The following KCNIP4 variants were observed in gnomAD, a reference collection of about 807,000 sequenced individuals.
KCNIP4 encodes the protein Kv channel-interacting protein 4.
In KCNIP4, 12 loss-of-function variants were observed where a neutral mutation model predicts 34.0. The observed-to-expected ratio is 0.35, with a 90% CI of 0.23 to 0.57. KCNIP4 has a LOEUF of 0.57. KCNIP4 is among the 20% of genes least tolerant of loss of function. The pLI is 0.83. For missense variants in KCNIP4, 238 were observed against 311.7 expected (o/e 0.76, Z 1.78); for synonymous variants, 124 against 102.2 (o/e 1.21, Z -1.29).
chr4:20,735,390 G>A (rs1016389830), intron 5 of KCNIP4, among the ~76,000 whole-genome samples: 2 of 152,132 alleles, frequency 1.3e-5, no homozygotes, highest in African/African-American at 4.8e-5. Flanking sequence ...AAAAGAGGCT[G>A]CTTATAACAG....
At chr4:21,017,126 T>C (rs1481161189) in intron 1 of KCNIP4, among the ~76,000 whole-genome samples, 1 of 152,204 alleles carries the variant, frequency 6.6e-6, no homozygotes, top group Non-Finnish European at 1.5e-5. Context: ...ATGGACTAGC[T>C]GTTCAAATGT....
At chr4:21,764,266 A>G (rs1369640649) in intron 1 of KCNIP4, among the ~76,000 whole-genome samples, 1 of 152,062 alleles carries the variant, frequency 6.6e-6, no homozygotes, top group African/African-American at 2.4e-5. Context: ...AGCCAGGGAG[A>G]CAAACTTTGA....
At chr4:21,286,375 T>C (rs747929262) in intron 1 of KCNIP4, among the ~76,000 whole-genome samples, 26 of 152,158 alleles carry the variant, frequency 1.7e-4, no homozygotes, top group Non-Finnish European at 1.8e-4. Context: ...TGTTATATAG[T>C]AGACAGCACC....
chr4:21,752,456 A>C (rs1193217507), intron 1 of KCNIP4, among the ~76,000 whole-genome samples: 3 of 152,062 alleles, frequency 2.0e-5, no homozygotes, highest in Admixed American at 2.0e-4. Flanking sequence ...GGAGAACAGC[A>C]TGGGGCACAC....
chr4:21,151,406 A>ATTTTTT, intron 1 of KCNIP4, among the ~76,000 whole-genome samples: 1 of 51,276 alleles, frequency 2.0e-5, no homozygotes, highest in Non-Finnish European at 4.3e-5. Context: ...ACAAAAGACA[A>ATTTTTT]TTTTTTTTTT....
At chr4:21,294,172 A>T (rs1763705051) in intron 1 of KCNIP4, among the ~76,000 whole-genome samples, 3 of 152,212 alleles carry the variant, frequency 2.0e-5, no homozygotes, top group Admixed American at 2.0e-4. Flanking sequence ...TGATATTATT[A>T]GCATCTAATG....
chr4:21,897,772 CA>C (rs986710194), intron 1 of KCNIP4, among the ~76,000 whole-genome samples: 19 of 151,784 alleles, frequency 1.3e-4, no homozygotes, highest in South Asian at 6.2e-4. Flanking sequence ...ACTATTCATA[CA>C]AAAAAAAGCA....
At chr4:21,409,099 T>C in intron 1 of KCNIP4, among the ~76,000 whole-genome samples, 1 of 151,192 alleles carries the variant, frequency 6.6e-6, no homozygotes, top group Non-Finnish European at 1.5e-5. Context: ...TTTTTTTTTG[T>C]TTTTTACTTT....
chr4:21,134,243 T>C (rs1751325124), intron 1 of KCNIP4, among the ~76,000 whole-genome samples: 1 of 152,196 alleles, frequency 6.6e-6, no homozygotes, highest in Non-Finnish European at 1.5e-5. Flanking sequence ...GTCTACTCAA[T>C]ATGAAGATGA....
intron 1 of KCNIP4, among the ~76,000 whole-genome samples, chr4:21,029,761 T>G (rs1477945132): frequency 6.6e-6 from 1 of 152,182 alleles, no homozygotes; most frequent in Non-Finnish European, 1.5e-5. Context: ...GGAAGGTGAG[T>G]GGCCCATGTT....
At chr4:21,258,909 A>G (rs1424453709) in intron 1 of KCNIP4, among the ~76,000 whole-genome samples, 1 of 152,176 alleles carries the variant, frequency 6.6e-6, no homozygotes, top group African/African-American at 2.4e-5. Context: ...AGAATACGGA[A>G]ACATTAATGA....
rs868641330 is a variant in KCNIP4 at position 21,380,270 on chromosome 4, G to A, written c.62-497561C>T. Among the ~76,000 whole-genome samples the A allele has an allele frequency of 3.9e-5, 6 of 152,052 alleles. No individual in the cohort carries two copies. The South Asian group carries it at 1.2e-3, about 32-fold the overall frequency. On this transcript the variant is annotated intron_variant, in intron 1 of 8. Coordinates refer to ENST00000382152, the MANE Select transcript of KCNIP4 (RefSeq NM_025221.6). ...CCTAAGATAATACTATGTAAATATT[G>A]CCATATTTGATTAGCCAATGTAAGA...
chr4:21,048,288 G>GT (rs1404345086), intron 1 of KCNIP4, among the ~76,000 whole-genome samples: 24 of 152,096 alleles, frequency 1.6e-4, no homozygotes, highest in Non-Finnish European at 3.4e-4. Context: ...GTGTGATCTG[G>GT]AACATGTAAA....
chr4:21,480,275 T>C (rs1473346550), intron 1 of KCNIP4, among the ~76,000 whole-genome samples: 1 of 152,086 alleles, frequency 6.6e-6, no homozygotes, highest in East Asian at 1.9e-4. Flanking sequence ...TCCCAATTCA[T>C]GTAATTGTAC....
intron 1 of KCNIP4, among the ~76,000 whole-genome samples, chr4:21,027,667 T>G (rs1475611827): frequency 2.6e-5 from 4 of 151,460 alleles, no homozygotes; most frequent in Non-Finnish European, 5.9e-5. Flanking sequence ...ATAAGACTTC[T>G]TCTATTGTTC....
intron 1 of KCNIP4, among the ~76,000 whole-genome samples, chr4:21,463,173 C>A (rs1479784638): frequency 1.3e-5 from 2 of 152,200 alleles, no homozygotes; most frequent in East Asian, 3.9e-4. Flanking sequence ...TCCTTCCCAA[C>A]ACTTGTTATC....
chr4:20,781,966 G>A (rs1034910330), intron 3 of KCNIP4, among the ~76,000 whole-genome samples: 1 of 152,122 alleles, frequency 6.6e-6, no homozygotes, highest in African/African-American at 2.4e-5. Flanking sequence ...AGATACAATG[G>A]GAGTACAGGT....
chr4:21,336,806 C>T (rs1043304482), intron 1 of KCNIP4, among the ~76,000 whole-genome samples: 3 of 152,014 alleles, frequency 2.0e-5, no homozygotes, highest in Non-Finnish European at 2.9e-5. Context: ...TTTCACCTTC[C>T]GTCCTACTTG....
At chr4:21,587,736 G>A (rs1741751596) in intron 1 of KCNIP4, among the ~76,000 whole-genome samples, 1 of 152,070 alleles carries the variant, frequency 6.6e-6, no homozygotes, top group Non-Finnish European at 1.5e-5. Context: ...TGTTTGCCAT[G>A]TTCATAGTAT....
Sources: allele counts gnomAD v4.1 joint callset (sites outside exome capture counted in the v4.1 genomes callset), GRCh38; gene constraint gnomAD v4.1.1; transcripts MANE v1.5; gene names NCBI Gene and HGNC (gene_info 2026-07-23, HGNC 2026-07-21).